The following TNRC18 variants were observed in gnomAD, a reference collection of about 807,000 sequenced individuals.
TNRC18 encodes the protein trinucleotide repeat-containing gene 18 protein.
A neutral mutation model predicts 226.7 loss-of-function variants in TNRC18; 69 were observed. The ratio of observed to expected loss-of-function variants is 0.30; its 90% CI spans 0.25 to 0.37. The LOEUF is 0.37. Ranked by LOEUF, TNRC18 falls within the 10% of genes least tolerant of loss-of-function variation. The pLI is 1.00. For synonymous variants in TNRC18, 2,449 were observed against 1,927.6 expected, an observed-to-expected ratio of 1.27 and a Z score of -7.09; for missense variants, 4,754 against 4,256.6, an observed-to-expected ratio of 1.12 and a Z score of -3.25.
chr7:5,325,259 A>AAGC lies in TNRC18; in HGVS notation c.6148-14_6148-12dup, dbSNP rs767859164. ...TTTCCCTTTCTTCTTCTGGAGGAGG[A>AAGC]AGCAGCAGAGAGGAGCCATCAAACG... On this transcript the variant is annotated splice_polypyrimidine_tract_variant and intron_variant, in intron 19 of 29. Coordinates refer to ENST00000430969, the MANE Select transcript of TNRC18 (RefSeq NM_001080495.3). 48 of 1,548,712 alleles carry AAGC rather than the reference A, an allele frequency of 3.1e-5. No individual in the cohort carries two copies. The highest frequency in any genetic ancestry group is 3.8e-5 in the Non-Finnish European group (44 of 1,153,392).
intron 2 of TNRC18, among the ~76,000 whole-genome samples, chr7:5,399,761 T>C (rs1780951998): frequency 6.6e-6 from 1 of 152,130 alleles, no homozygotes; most frequent in African/African-American, 2.4e-5. Context: ...CTCACACCTA[T>C]AATACCAGCA....
At chr7:5,407,985 T>C (rs1435560645) in intron 2 of TNRC18, among the ~76,000 whole-genome samples, 1 of 152,178 alleles carries the variant, frequency 6.6e-6, no homozygotes, top group East Asian at 1.9e-4. Context: ...TGCACAGTAT[T>C]TGATCTTTAC....
chr7:5,335,070 G>A (rs1169120899), intron 18 of TNRC18, among the ~76,000 whole-genome samples: 1 of 150,094 alleles, frequency 6.7e-6, no homozygotes, highest in Non-Finnish European at 1.5e-5. Flanking sequence ...GGGAGGTCAA[G>A]GCGGGCGGAT....
At position 5,308,133 on chromosome 7, in the gene TNRC18, G is replaced by A. The variant is rs767975178; in HGVS notation, c.8880C>T (p.Ser2960=). 22 of 1,559,898 alleles carry A rather than the reference G, an allele frequency of 1.4e-5. No homozygotes were observed. The highest frequency in any genetic ancestry group is 2.4e-5 in the East Asian group (1 of 41,692). Residue 2960 remains serine (S), a synonymous_variant, in exon 30 of 30, where the codon TCC becomes TCT. Transcript: ENST00000430969. Reference sequence around the variant, plus strand: ...AGCAGAGCACGGGCACGCCGTCCGTGGAGAAGATCATGCCCGTGGTGGGCT... The same window carrying A: ...AGCAGAGCACGGGCACGCCGTCCGTAGAGAAGATCATGCCCGTGGTGGGCT... ...TYEPTTGMIF[S]TDGVPVLC
intron 8 of TNRC18, 41 bp downstream of exon 8, chr7:5,376,806 G>A (rs1469564121): frequency 3.1e-6 from 5 of 1,595,038 alleles, no homozygotes; most frequent in Non-Finnish European, 3.4e-6. Flanking sequence ...GCTGGGCATG[G>A]CCAGTCTGGC....
chr7:5,332,882 G>A lies in TNRC18; in HGVS notation c.5887C>T (p.Leu1963=). 2 of 1,522,752 alleles carry A rather than the reference G, an allele frequency of 1.3e-6. No homozygotes were observed. The highest frequency in any genetic ancestry group is 1.7e-6 in the Non-Finnish European group (2 of 1,143,826). The allele number at this position is 1,522,752 out of a possible 1,614,324, so 94.3% of individuals were successfully genotyped here. ...PDPSSPDKAK[L]AVEKGRKARK... ...GCCTTGCGCCCCTTCTCCACCGCCA[G>A]CTTGGCCTTGTCTGGGCTGCTGGGG... Residue 1963 remains leucine (L), a synonymous_variant, in exon 19 of 30, where the codon CTG becomes TTG. Transcript: ENST00000430969.
chr7:5,375,657 G>A lies in TNRC18; in HGVS notation c.2799+377C>T, dbSNP rs558186434. On this transcript the variant is annotated intron_variant, in intron 9 of 29. Transcript: ENST00000430969. ...TGGCCAGGCCTCCTTGTGCCTCTCC[G>A]AGAGGCCACCTGGAGAGAAGAGGCC... Among the ~76,000 whole-genome samples the A allele has an allele frequency of 3.3e-5, 5 of 152,222 alleles. No individual in the cohort carries two copies. The South Asian group carries it at 6.2e-4, about 19-fold the overall frequency.
chr7:5,416,455 G>A (rs1782193854), intron 2 of TNRC18, among the ~76,000 whole-genome samples: 1 of 152,240 alleles, frequency 6.6e-6, no homozygotes, highest in African/African-American at 2.4e-5. Context: ...GCACAGTGGT[G>A]CTGGACTGTA....
At chr7:5,383,904 C>T (rs1182659081) in intron 5 of TNRC18, among the ~76,000 whole-genome samples, 2 of 151,044 alleles carry the variant, frequency 1.3e-5, no homozygotes, top group Admixed American at 1.3e-4. Flanking sequence ...ACTATCCTCC[C>T]ACTTTAGCCT....
intron 4 of TNRC18, 88 bp downstream of exon 4, chr7:5,390,397 A>T: frequency 1.5e-6 from 2 of 1,321,280 alleles, no homozygotes; most frequent in Non-Finnish European, 2.2e-6. Context: ...TCCTGGACAG[A>T]GCTGGGGGCT....
Position 5,345,576 on chromosome 7 carries a change from C to A in TNRC18, c.5705G>T (p.Arg1902Leu), listed in dbSNP as rs774906855. Residue 1902 changes from arginine (R) to leucine (L), a missense_variant, in exon 18 of 30, where the codon CGG (arginine) becomes CTG (leucine). Coordinates refer to ENST00000430969, the MANE Select transcript of TNRC18 (RefSeq NM_001080495.3). The part of the protein sequence containing the change: ...AKQKARKKEE[R>L]QSLLGTEFEY... ...CTGCCACTTACCCAGCAGGCTCTGC[C>A]GCTCCTCTTTCTTCCGGGCCTTCTG... 6.6e-7 allele frequency: 1 copy of A among 1,513,672 alleles called. No individual in the cohort carries two copies. The highest frequency in any genetic ancestry group is 8.9e-7 in the Non-Finnish European group (1 of 1,125,042). 93.8% of individuals were successfully genotyped at this position (1,513,672 alleles called of 1,614,324 possible). A position where few individuals can be genotyped will look rare whatever the true frequency, so the allele number is the denominator to read the frequency against.
chr7:5,325,387 T>A, intron 19 of TNRC18, 139 bp from the exon 20 acceptor site: 3 of 861,504 alleles, frequency 3.5e-6, no homozygotes, highest in Non-Finnish European at 5.1e-6. Flanking sequence ...ACACCCCTTC[T>A]CTCTCTTCCT....
intron 3 of TNRC18, among the ~76,000 whole-genome samples, chr7:5,392,786 T>C (rs1222019020): frequency 2.0e-5 from 3 of 151,986 alleles, no homozygotes; most frequent in Admixed American, 1.3e-4. Context: ...GGTGGGACGA[T>C]CGCTTGAGCC....
chr7:5,396,032 G>T (rs977763699), intron 2 of TNRC18, among the ~76,000 whole-genome samples: 1 of 149,800 alleles, frequency 6.7e-6, no homozygotes, highest in African/African-American at 2.5e-5. Flanking sequence ...TTAGCTGGGC[G>T]TGGTGGCGGG....
In TNRC18 at chr7:5,388,802, G is replaced by A. The variant is rs1780031680; in HGVS notation, c.1022C>T (p.Pro341Leu). ...CPSPLPPPPA[P>L]PKGPPAPPAA... The stretch of plus-strand genomic sequence containing the variant: ...GGGGGGTGCAGGAGGCCCCTTGGGG[G>A]GCGCGGGCGGCGGGGGCAGCGGTGA... Residue 341 changes from proline to leucine, a missense_variant, in exon 5 of 30, where the codon CCC becomes CTC. By Grantham distance (98) the Pro-to-Leu change is moderately conservative. Coordinates refer to ENST00000430969, the MANE Select transcript of TNRC18 (RefSeq NM_001080495.3). 4 of 1,195,880 alleles carry A rather than the reference G, an allele frequency of 3.3e-6. No individual in the cohort carries two copies. Among genetic ancestry groups the A allele is most frequent in the Non-Finnish European group, 4.1e-6 (4 of 963,960 alleles). 74.1% of individuals were successfully genotyped at this position (1,195,880 alleles called of 1,614,324 possible).
chr7:5,346,131 G>C lies in TNRC18; in HGVS notation c.5471-321C>G, dbSNP rs200543424. Among the ~76,000 whole-genome samples the C allele has an allele frequency of 2.6e-5, 4 of 152,270 alleles. No homozygotes were observed. The East Asian group carries it at 7.7e-4, about 29-fold the overall frequency. On this transcript the variant is annotated intron_variant, in intron 17 of 29. Transcript: ENST00000430969. The stretch of plus-strand genomic sequence containing the variant: ...GGGCCAGACACACGGACAAGGACTG[G>C]AGACAGCGTTCTCCACAGTCACACG...
intron 26 of TNRC18, among the ~76,000 whole-genome samples, chr7:5,314,210 G>T (rs898894074): frequency 2.0e-5 from 3 of 151,750 alleles, no homozygotes; most frequent in African/African-American, 7.3e-5. Flanking sequence ...GGGCTCAAGC[G>T]ATCCCTGTGC....
Position 5,332,626 on chromosome 7 carries a change from C to A in TNRC18, c.6143G>T (p.Arg2048Met), listed in dbSNP as rs1374217671. 3 of 1,526,668 alleles carry A rather than the reference C, an allele frequency of 2.0e-6. No individual in the cohort carries two copies. Among genetic ancestry groups the A allele is most frequent in the Non-Finnish European group, 2.6e-6 (3 of 1,138,702 alleles). 94.6% of individuals were successfully genotyped at this position (1,526,668 alleles called of 1,614,324 possible). ...AGRAKDRKDP[R>M]KKKKGKEAGP... Reference sequence around the variant, plus strand: ...CCCTCCCAGCGCGGCCCCTACCTTCCTGGGGTCCTTCCTGTCCTTTGCACG... The same window carrying A: ...CCCTCCCAGCGCGGCCCCTACCTTCATGGGGTCCTTCCTGTCCTTTGCACG... Residue 2048 changes from arginine to methionine, a missense_variant, in exon 19 of 30, where the codon AGG (arginine) becomes ATG (methionine). Physicochemically the swap from Arg to Met is moderately conservative, Grantham distance 91. Transcript: ENST00000430969.
rs1251751511 is a variant in TNRC18, at chr7:5,387,784, C to T, written c.2040G>A (p.Pro680=). Reference sequence around the variant, plus strand: ...CCACAGCCACTGCAATGCCCACAGGCGGGTGTCGCACTTCTGCCTCACCCT... The same window carrying T: ...CCACAGCCACTGCAATGCCCACAGGTGGGTGTCGCACTTCTGCCTCACCCT... ...GAQGEAEVRH[P]PVGIAVAVAR... The change falls in exon 5 of 30, where the codon CCG becomes CCA. Residue 680 remains proline (P), a synonymous_variant. Coordinates refer to ENST00000430969, the MANE Select transcript of TNRC18 (RefSeq NM_001080495.3). The T allele has an allele frequency of 6.2e-7, 1 of 1,607,890 alleles. No individual in the cohort carries two copies. Among genetic ancestry groups the T allele is most frequent in the Non-Finnish European group, 8.5e-7 (1 of 1,179,784 alleles).
Sources: gnomAD v4.1 joint callset for allele counts (sites outside exome capture counted in the v4.1 genomes callset) on GRCh38, gnomAD v4.1.1 for gene constraint, MANE v1.5 for transcripts, NCBI Gene and HGNC (gene_info 2026-07-23, HGNC 2026-07-21) for gene names.